Variants in FBXL2 observed in about 807,000 individuals in gnomAD.
FBXL2 encodes the protein F-box and leucine rich repeat protein 2.
Under a neutral mutation model 69.2 loss-of-function variants are expected in FBXL2, and 38 were observed. The ratio of observed to expected loss-of-function variants is 0.55; its 90% CI spans 0.42 to 0.72. The LOEUF (loss-of-function observed/expected upper bound fraction) is 0.72, where lower values mean the gene tolerates loss of function less well. FBXL2 is among the 30% of genes least tolerant of loss of function. The pLI is 0.00. For synonymous variants in FBXL2, 192 were observed against 201.3 expected (o/e 0.95, Z 0.39); for missense variants, 354 against 520.3 (o/e 0.68, Z 3.11).
chr3:33,277,773 C>T (rs1015630036), intron 1 of FBXL2, among the ~76,000 whole-genome samples: 6 of 152,182 alleles, frequency 3.9e-5, no homozygotes, highest in African/African-American at 1.4e-4. Context: ...ACAGCCCGGA[C>T]CCCCACCCAG....
chr3:33,343,895 C>T (rs760812447), intron 2 of FBXL2, among the ~76,000 whole-genome samples: 1 of 151,770 alleles, frequency 6.6e-6, no homozygotes, highest in Admixed American at 6.6e-5. Context: ...TAGTGTTTTC[C>T]AGACATACTA....
intron 2 of FBXL2, among the ~76,000 whole-genome samples, chr3:33,344,624 AAGAAAAAGT>A (rs1302874278): frequency 6.6e-6 from 1 of 152,330 alleles, no homozygotes; most frequent in East Asian, 1.9e-4. Context: ...ACACTATTAA[AAGAAAAAGT>A]AGTAAAACTG....
chr3:33,372,486 A>G (rs1407950041), intron 5 of FBXL2: 1 of 155,628 alleles, frequency 6.4e-6, no homozygotes, highest in Non-Finnish European at 1.4e-5. Context: ...TGAATATGTT[A>G]AGCAGTGAGT....
intron 1 of FBXL2, among the ~76,000 whole-genome samples, chr3:33,280,838 T>C (rs1280778272): frequency 6.6e-6 from 1 of 152,076 alleles, no homozygotes. Context: ...TGTTTAACAC[T>C]TTATTGTGTA....
At chr3:33,312,516 C>T (rs903672645) in intron 2 of FBXL2, among the ~76,000 whole-genome samples, 4 of 152,162 alleles carry the variant, frequency 2.6e-5, no homozygotes, top group Non-Finnish European at 4.4e-5. Context: ...TAGGGACTTA[C>T]TTTGATCTTG....
chr3:33,370,730 C>G (rs2042244528), intron 5 of FBXL2, among the ~76,000 whole-genome samples: 1 of 152,158 alleles, frequency 6.6e-6, no homozygotes, highest in African/African-American at 2.4e-5. Flanking sequence ...ATCCTCCCAC[C>G]TCAGCCTCCC....
intron 2 of FBXL2, among the ~76,000 whole-genome samples, chr3:33,321,328 A>T (rs1450431124): frequency 6.6e-6 from 1 of 151,896 alleles, no homozygotes; most frequent in Non-Finnish European, 1.5e-5. Flanking sequence ...AAAGAAAAAG[A>T]AAAAAGAAAA....
chr3:33,412,905 T>C, the FBXL2 span: 1 of 932,684 alleles, frequency 1.1e-6, no homozygotes, highest in Non-Finnish European at 1.8e-6. Context: ...TTCTTATGTG[T>C]TAACCTGTAG....
intron 1 of FBXL2, among the ~76,000 whole-genome samples, 165 bp downstream of exon 1, chr3:33,277,680 G>A (rs1209717216): frequency 6.6e-6 from 1 of 152,078 alleles, no homozygotes; most frequent in East Asian, 1.9e-4. Context: ...CGGGCCCGGG[G>A]AGGGGTAACC....
In FBXL2 at chr3:33,377,401, T is replaced by C. The variant is rs1172709127; in HGVS notation, c.849+68T>C. 2.7e-6 allele frequency: 4 copies of C among 1,494,998 alleles called. No homozygotes were observed. The African/African-American group carries it at 4.1e-5, about 16-fold the overall frequency. 92.6% of individuals were successfully genotyped at this position (1,494,998 alleles called of 1,614,324 possible). ...CTCCCGAATTCAAAGTGACTTGGAG[T>C]GGTTTTGGGTGTGCAAAAGACTACC... On this transcript the variant is annotated intron_variant, in intron 11 of 14. Transcript: ENST00000484457.
downstream of FBXL2, chr3:33,391,277 C>T (rs952720971): frequency 6.6e-6 from 1 of 152,192 alleles, no homozygotes; most frequent in African/African-American, 2.4e-5. Context: ...GTGCTAAGAC[C>T]GGATTTGGAT....
chr3:33,411,770 G>T, the FBXL2 span: 1 of 1,110,042 alleles, frequency 9.0e-7, no homozygotes, highest in Non-Finnish European at 1.4e-6. Flanking sequence ...ATGTTCTAAT[G>T]AAATAACTGT....
At chr3:33,287,822 C>T (rs2034806099) in intron 1 of FBXL2, among the ~76,000 whole-genome samples, 1 of 152,186 alleles carries the variant, frequency 6.6e-6, no homozygotes, top group Admixed American at 6.5e-5. Context: ...GTGCCTGGCA[C>T]AAATGTACTA....
At chr3:33,403,500 C>CT (rs1259325806) in exon 13 of FBXL2, 1 of 96,482 alleles carries the variant, frequency 1.0e-5, no homozygotes, top group Admixed American at 8.9e-5. Context: ...ATCTATCTAT[C>CT]TATCTATCTA....
At chr3:33,392,750 T>G, downstream of FBXL2, 1 of 776,732 alleles carries the variant, frequency 1.3e-6, no homozygotes, top group Non-Finnish European at 2.0e-6. Context: ...GAAGGCAGTG[T>G]GAGGCAGCAA....
chr3:33,387,249 AATGAGCAT>A lies in FBXL2; in HGVS notation c.*1644_*1651del, dbSNP rs1471687105. 4 of 152,304 alleles carry A rather than the reference AATGAGCAT, an allele frequency of 2.6e-5. No individual in the cohort carries two copies. The East Asian group carries it at 5.8e-4, about 22-fold the overall frequency. 9.4% of individuals were successfully genotyped at this position (152,304 alleles called of 1,614,324 possible). On this transcript the variant is annotated 3_prime_UTR_variant, in exon 15 of 15. Coordinates refer to ENST00000484457, the MANE Select transcript of FBXL2 (RefSeq NM_012157.5). ...ACTGATGCAGGAAGCAACTTCAATA[AATGAGCAT>A]ATAACAGACTTGCTTCAGTGATTAT... is the stretch of plus-strand genomic sequence containing the variant.
chr3:33,382,338 C>A (rs986326976), intron 13 of FBXL2, among the ~76,000 whole-genome samples: 1 of 152,170 alleles, frequency 6.6e-6, no homozygotes, highest in Non-Finnish European at 1.5e-5. Flanking sequence ...ACTGAATACA[C>A]CCCGATCAAA....
intron 2 of FBXL2, among the ~76,000 whole-genome samples, chr3:33,325,381 C>G (rs12496608): frequency 0.093 from 14,150 of 152,114 alleles, 688 homozygotes; most frequent in South Asian, 0.11. Context: ...GTTTTCAAAG[C>G]GAATGCTTCC....
At chr3:33,384,941 T>A (rs559375682) in intron 14 of FBXL2, among the ~76,000 whole-genome samples, 1 of 152,158 alleles carries the variant, frequency 6.6e-6, no homozygotes, top group East Asian at 1.9e-4. Flanking sequence ...GGCAGGAGAA[T>A]CGCTTGAACC....
Sources: allele counts gnomAD v4.1 joint callset (sites outside exome capture counted in the v4.1 genomes callset), GRCh38; gene constraint gnomAD v4.1.1; transcripts MANE v1.5; gene names NCBI Gene and HGNC (gene_info 2026-07-23, HGNC 2026-07-21).